The following TIMM50 variants were observed in gnomAD, a reference collection of about 807,000 sequenced individuals.
TIMM50 encodes mitochondrial import inner membrane translocase subunit TIM50.
TIMM50 carries 34 observed loss-of-function variants against 49.6 expected under a neutral mutation model. The ratio of observed to expected loss-of-function variants is 0.69; its 90% CI spans 0.52 to 0.91. The LOEUF is 0.91. TIMM50 is among the 40% of genes least tolerant of loss of function. The probability of loss-of-function intolerance (pLI) is 0.00; values close to 1 mark genes in which losing one functional copy is unlikely to be tolerated. For missense variants in TIMM50, 458 were observed against 477.8 expected (o/e 0.96, Z 0.39); for synonymous variants, 199 against 198.4 (o/e 1.00, Z -0.03).
Position 39,490,947 on chromosome 19 carries a change from G to C in TIMM50, c.*1127G>C, listed in dbSNP as rs1345363915. 2 of 152,016 alleles carry C rather than the reference G, an allele frequency of 1.3e-5. No individual in the cohort carries two copies. Among genetic ancestry groups the C allele is most frequent in the African/African-American group, 4.8e-5 (2 of 41,390 alleles). The allele number at this position is 152,016 out of a possible 1,614,324, so 9.4% of individuals were successfully genotyped here. On this transcript the variant is annotated 3_prime_UTR_variant, in exon 11 of 11. Transcript: ENST00000607714. ...GCAGGAGAATTGCTTGAACCTGGGAGGCGGAGGTTGTGGTGAGCCGAGATC... is the reference window on the plus strand; with the variant it reads ...GCAGGAGAATTGCTTGAACCTGGGACGCGGAGGTTGTGGTGAGCCGAGATC...
intron 10 of TIMM50, 128 bp from the exon 11 acceptor site, chr19:39,489,591 G>C: frequency 1.1e-6 from 1 of 888,552 alleles, no homozygotes; most frequent in South Asian, 1.8e-5. Flanking sequence ...TTGGGGAAAG[G>C]GGTCTGGACT....
rs1179186212 is a variant in TIMM50, at chr19:39,486,444, C to T, written c.645C>T (p.Ser215=). The stretch of plus-strand genomic sequence containing the variant: ...GTGTGGACCCCCATGGCTTCATCTC[C>T]TACCGCCTATTCCGGGACGCCACAA... ...IDSVDPHGFI[S]YRLFRDATRY... The change falls in exon 8 of 11, where the codon TCC becomes TCT. Residue 215 remains serine (S), a synonymous_variant. Coordinates refer to ENST00000607714, the MANE Select transcript of TIMM50 (RefSeq NM_001001563.5). The T allele has an allele frequency of 6.2e-7, 1 of 1,614,186 alleles. No homozygotes were observed. Among genetic ancestry groups the T allele is most frequent in the Non-Finnish European group, 8.5e-7 (1 of 1,180,036 alleles).
chr19:39,485,942 C>G (rs2079502773), intron 6 of TIMM50, 135 bp downstream of exon 6: 2 of 1,365,052 alleles, frequency 1.5e-6, no homozygotes, highest in African/African-American at 2.9e-5. Flanking sequence ...CTTTCTTCAG[C>G]TGGGAGAAGG....
chr19:39,490,146 C>T lies in TIMM50; in HGVS notation c.*326C>T, dbSNP rs1316213132. Reference sequence around the variant, plus strand: ...ATACATCTCCCTCTGACCACAGACTCCTCATCTGTGGAGAAGGGAAGAGAG... The same window carrying T: ...ATACATCTCCCTCTGACCACAGACTTCTCATCTGTGGAGAAGGGAAGAGAG... On this transcript the variant is annotated 3_prime_UTR_variant, in exon 11 of 11. Coordinates refer to ENST00000607714, the MANE Select transcript of TIMM50 (RefSeq NM_001001563.5). 1 of 305,656 alleles carries T rather than the reference C, an allele frequency of 3.3e-6. No individual in the cohort carries two copies. The highest frequency in any genetic ancestry group is 2.1e-5 in the African/African-American group (1 of 47,332). 18.9% of individuals were successfully genotyped at this position (305,656 alleles called of 1,614,324 possible).
chr19:39,487,376 G>A (rs909096202), intron 8 of TIMM50, among the ~76,000 whole-genome samples: 6 of 152,142 alleles, frequency 3.9e-5, no homozygotes, highest in Non-Finnish European at 8.8e-5. Context: ...GGGCTCAAGC[G>A]ATCTTCCCAC....
At chr19:39,489,552 C>T (rs2079530240) in intron 10 of TIMM50, among the ~76,000 whole-genome samples, 167 bp from the exon 11 acceptor site, 1 of 151,870 alleles carries the variant, frequency 6.6e-6, no homozygotes, top group Admixed American at 6.6e-5. Context: ...GTCTAGGGTC[C>T]CTTGTGTCTG....
rs191255793 is a variant in TIMM50 at position 39,488,443 on chromosome 19, C to G, written c.854-96C>G. 3.1e-3 allele frequency: 3,730 copies of G among 1,210,568 alleles called. 11 individuals are homozygous for G. Among genetic ancestry groups the G allele is most frequent in the Non-Finnish European group, 3.4e-3 (2,846 of 830,842 alleles). 75.0% of individuals were successfully genotyped at this position (1,210,568 alleles called of 1,614,324 possible). ...TCAGAAGCATTCCAGGTAGCACTGA[C>G]TGCCCCCGTGCCCCAGTGCGGGACG... On this transcript the variant is annotated intron_variant, in intron 9 of 10. Transcript: ENST00000607714.
chr19:39,485,824 C>A lies in TIMM50; in HGVS notation c.492+17C>A, dbSNP rs4803245. ...GAGTGGTCGGTGTGTCCCGGGAAAC[C>A]CAGTGGGTTGGGGATAGACCTGGGC... On this transcript the variant is annotated intron_variant, in intron 6 of 10. Coordinates refer to ENST00000607714, the MANE Select transcript of TIMM50 (RefSeq NM_001001563.5). 23 of 1,613,498 alleles carry A rather than the reference C, an allele frequency of 1.4e-5. No homozygotes were observed. Among genetic ancestry groups the A allele is most frequent in the Admixed American group, 1.3e-4 (8 of 59,904 alleles).
At chr19:39,483,417 C>A (rs2079485583) in intron 4 of TIMM50, 1 of 540,640 alleles carries the variant, frequency 1.8e-6, no homozygotes, top group African/African-American at 1.9e-5. Flanking sequence ...ACAGGGTGGC[C>A]TATCTCCAGA....
intron 4 of TIMM50, 137 bp from the exon 5 acceptor site, chr19:39,485,407 G>T: frequency 1.1e-6 from 1 of 937,550 alleles, no homozygotes; most frequent in Non-Finnish European, 1.7e-6. Context: ...TTCTATCTTT[G>T]GACCTAGAAA....
At chr19:39,488,862 CAG>C in intron 10 of TIMM50, among the ~76,000 whole-genome samples, 1 of 152,294 alleles carries the variant, frequency 6.6e-6, no homozygotes, top group East Asian at 1.9e-4. Flanking sequence ...GCTCTGAGAA[CAG>C]GAAACAGGAG....
chr19:39,483,230 C>A, intron 4 of TIMM50, 74 bp downstream of exon 4: 1 of 1,591,382 alleles, frequency 6.3e-7, no homozygotes, highest in Non-Finnish European at 8.6e-7. Flanking sequence ...TCTCTCTCCC[C>A]ATCTGGTGTC....
intron 10 of TIMM50, 59 bp downstream of exon 10, chr19:39,488,704 TGGGG>T: frequency 7.8e-6 from 11 of 1,401,930 alleles, no homozygotes; most frequent in South Asian, 1.2e-5. Flanking sequence ...AGGAGGAGCC[TGGGG>T]CAGTCCATCT....
At position 39,486,448 on chromosome 19, in the gene TIMM50, C is replaced by A; in HGVS notation, c.649C>A (p.Arg217Ser). 1 of 1,614,130 alleles carries A rather than the reference C, an allele frequency of 6.2e-7. No homozygotes were observed. The highest frequency in any genetic ancestry group is 8.5e-7 in the Non-Finnish European group (1 of 1,180,026). ...GGACCCCCATGGCTTCATCTCCTAC[C>A]GCCTATTCCGGGACGCCACAAGATA... is the stretch of plus-strand genomic sequence containing the variant. Reference protein sequence around the residue: ...SVDPHGFISYRLFRDATRYMD... With the variant: ...SVDPHGFISYSLFRDATRYMD... The change falls in exon 8 of 11, where the codon CGC becomes AGC. Residue 217 changes from arginine (R) to serine (S), a missense_variant. Transcript: ENST00000607714.
intron 2 of TIMM50, among the ~76,000 whole-genome samples, chr19:39,482,584 C>T (rs574710236): frequency 1.3e-3 from 203 of 151,364 alleles, no homozygotes; most frequent in Middle Eastern, 6.8e-3. Flanking sequence ...GGCGTGAACC[C>T]GGGAGGCGGA....
chr19:39,493,561 C>T lies in TIMM50; in HGVS notation c.*3741C>T, dbSNP rs2079562073. 6.6e-6 allele frequency: 1 copy of T among 152,176 alleles called. No homozygotes were observed. The highest frequency in any genetic ancestry group is 1.5e-5 in the Non-Finnish European group (1 of 68,046). The allele number at this position is 152,176 out of a possible 1,614,324, so 9.4% of individuals were successfully genotyped here. A position where few individuals can be genotyped will look rare whatever the true frequency, so the allele number is the denominator to read the frequency against. ...CCACCATTGTGATTTGTTCCTGCCC[C>T]ACCTTAACTGAGTGATTAACCCTGC... On this transcript the variant is annotated 3_prime_UTR_variant, in exon 11 of 11. Transcript: ENST00000607714.
intron 2 of TIMM50, 140 bp downstream of exon 2, chr19:39,482,173 C>T: frequency 3.7e-6 from 4 of 1,076,568 alleles, no homozygotes; most frequent in Non-Finnish European, 5.3e-6. Flanking sequence ...AAATAAGACA[C>T]CTACCTTGAA....
Position 39,486,217 on chromosome 19 carries a change from C to G in TIMM50, c.523C>G (p.Pro175Ala). ...CACTGGCTGGAGGTTTAAGAAGCGC[C>G]CAGGCATCGAGACCTTGTTCCAGCA... is the stretch of plus-strand genomic sequence containing the variant. ...LATGWRFKKR[P>A]GIETLFQQLA... is the part of the protein sequence containing the mutation. The change falls in exon 7 of 11, where the codon CCA (proline) becomes GCA (alanine). Residue 175 changes from proline (P) to alanine (A), a missense_variant. Coordinates refer to ENST00000607714, the MANE Select transcript of TIMM50 (RefSeq NM_001001563.5). 1 of 1,614,134 alleles carries G rather than the reference C, an allele frequency of 6.2e-7. No individual in the cohort carries two copies. The highest frequency in any genetic ancestry group is 8.5e-7 in the Non-Finnish European group (1 of 1,180,024).
Position 39,480,840 on chromosome 19 carries a change from G to A in TIMM50, c.-14G>A. 1 of 1,594,386 alleles carries A rather than the reference G, an allele frequency of 6.3e-7. No homozygotes were observed. Among genetic ancestry groups the A allele is most frequent in the Non-Finnish European group, 8.5e-7 (1 of 1,171,304 alleles). On this transcript the variant is annotated 5_prime_UTR_variant, in exon 1 of 11. Coordinates refer to ENST00000607714, the MANE Select transcript of TIMM50 (RefSeq NM_001001563.5). ...AGGGAGCGAGTGGGCGGGGCCGCGT[G>A]GCGTCAGCGCAAGATGGCGGCCTCG...
Sources: gnomAD v4.1 joint callset for allele counts (sites outside exome capture counted in the v4.1 genomes callset) on GRCh38, gnomAD v4.1.1 for gene constraint, MANE v1.5 for transcripts, NCBI Gene and HGNC (gene_info 2026-07-23, HGNC 2026-07-21) for gene names.